The following VGLL4 variants were observed in gnomAD, a reference collection of about 807,000 sequenced individuals.
The protein encoded by VGLL4 is vestigial like family member 4.
A neutral mutation model predicts 21.0 loss-of-function variants in VGLL4; 7 were observed. That is an observed-to-expected ratio of 0.33 (90% confidence interval 0.19 to 0.63). The LOEUF is 0.63. VGLL4 is among the 20% of genes least tolerant of loss of function. The pLI is 0.78. For synonymous variants in VGLL4, 222 were observed against 173.2 expected, an observed-to-expected ratio of 1.28 and a Z score of -2.21; for missense variants, 394 against 425.7, an observed-to-expected ratio of 0.93 and a Z score of 0.66.
intron 2 of VGLL4, among the ~76,000 whole-genome samples, chr3:11,681,197 A>G (rs1347392420): frequency 2.0e-5 from 3 of 152,090 alleles, no homozygotes; most frequent in East Asian, 3.9e-4. Flanking sequence ...TCCTGGGTTC[A>G]CACCATTCTC....
At chr3:11,718,510 T>C (rs186640435) in intron 1 of VGLL4, among the ~76,000 whole-genome samples, 36 of 152,262 alleles carry the variant, frequency 2.4e-4, no homozygotes, top group Non-Finnish European at 4.1e-4. Context: ...CAATGAACAG[T>C]ACAAGTCCGT....
Position 11,558,036 on chromosome 3 carries a change from C to T in VGLL4, c.*520G>A, listed in dbSNP as rs2072601478. The T allele has an allele frequency of 6.3e-6, 1 of 157,786 alleles. No homozygotes were observed. Among genetic ancestry groups the T allele is most frequent in the Admixed American group, 6.1e-5 (1 of 16,496 alleles). The allele number at this position is 157,786 out of a possible 1,614,324, so 9.8% of individuals were successfully genotyped here. A position where few individuals can be genotyped will look rare whatever the true frequency, so the allele number is the denominator to read the frequency against. On this transcript the variant is annotated 3_prime_UTR_variant, in exon 5 of 5. Coordinates refer to ENST00000430365, the MANE Select transcript of VGLL4 (RefSeq NM_001128219.3). ...TTGCCCTCAGAGTTCTGGCATAACA[C>T]ATAAAGTTGTCAGGCAACTTTAGTC...
chr3:11,609,264 T>C (rs1199792836), intron 1 of VGLL4, among the ~76,000 whole-genome samples: 2 of 152,206 alleles, frequency 1.3e-5, no homozygotes, highest in Non-Finnish European at 2.9e-5. Flanking sequence ...CCATAAGAGA[T>C]ACATCTTCTA....
At chr3:11,591,068 G>C (rs13067924) in intron 2 of VGLL4, among the ~76,000 whole-genome samples, 119,378 of 152,074 alleles carry the variant, frequency 0.78, 47,553 homozygotes, top group Non-Finnish European at 0.86. Context: ...CGGATAAAAA[G>C]AGCTGCTACA....
chr3:11,702,745 CAA>C, intron 2 of VGLL4: 4 of 186,660 alleles, frequency 2.1e-5, no homozygotes, highest in Non-Finnish European at 3.1e-5. Context: ...AAAAAAAAAA[CAA>C]AAAAAAAAAC....
chr3:11,707,696 A>G (rs539383924), intron 1 of VGLL4, among the ~76,000 whole-genome samples: 22 of 152,064 alleles, frequency 1.4e-4, no homozygotes, highest in Non-Finnish European at 2.9e-4. Flanking sequence ...TCATTTCTAC[A>G]AAAGATTAAA....
chr3:11,584,189 T>C (rs761486670), intron 2 of VGLL4, among the ~76,000 whole-genome samples: 30 of 152,236 alleles, frequency 2.0e-4, no homozygotes, highest in Non-Finnish European at 3.8e-4. Context: ...GCATCCTTAA[T>C]ATGAAGAGTC....
At chr3:11,710,442 G>A (rs527335084) in intron 1 of VGLL4, 39 of 152,304 alleles carry the variant, frequency 2.6e-4, no homozygotes, top group African/African-American at 8.7e-4. Flanking sequence ...CTTTAGGTAA[G>A]AGTACGAGAA....
At chr3:11,637,452 T>C (rs945367209) in intron 1 of VGLL4, among the ~76,000 whole-genome samples, 1 of 152,206 alleles carries the variant, frequency 6.6e-6, no homozygotes, top group Non-Finnish European at 1.5e-5. Context: ...CAGACTTCTT[T>C]GCAAACAAAA....
At chr3:11,559,181 T>G in intron 4 of VGLL4, 151 bp downstream of exon 4, 1 of 1,333,108 alleles carries the variant, frequency 7.5e-7, no homozygotes, top group Non-Finnish European at 9.9e-7. Context: ...TGCGCAACGC[T>G]AGGCGCACAC....
At chr3:11,626,307 A>G (rs1440279662) in intron 1 of VGLL4, 1 of 448,616 alleles carries the variant, frequency 2.2e-6, no homozygotes, top group South Asian at 1.6e-5. Flanking sequence ...CCAAAAAAAT[A>G]CACTGCAAGC....
chr3:11,595,258 G>C (rs915582194), intron 2 of VGLL4, among the ~76,000 whole-genome samples: 1 of 152,150 alleles, frequency 6.6e-6, no homozygotes, highest in Admixed American at 6.5e-5. Flanking sequence ...GGGAAATGCA[G>C]AGAAATGCAA....
At chr3:11,588,639 A>G (rs532981684) in intron 2 of VGLL4, among the ~76,000 whole-genome samples, 1 of 152,376 alleles carries the variant, frequency 6.6e-6, no homozygotes, top group East Asian at 1.9e-4. Context: ...GCCAGGGCCT[A>G]CTGGGAAGTT....
chr3:11,702,227 G>A (rs918503798), intron 2 of VGLL4, among the ~76,000 whole-genome samples: 3 of 151,962 alleles, frequency 2.0e-5, no homozygotes, highest in African/African-American at 4.8e-5. Flanking sequence ...GACACATAAG[G>A]AGTATCTTCA....
intron 2 of VGLL4, among the ~76,000 whole-genome samples, chr3:11,583,749 G>C (rs912481798): frequency 2.0e-5 from 3 of 152,164 alleles, no homozygotes; most frequent in African/African-American, 7.2e-5. Context: ...GCTCCGCCAA[G>C]GATGGGCACA....
At chr3:11,652,553 T>C (rs2075890408) in intron 2 of VGLL4, among the ~76,000 whole-genome samples, 1 of 152,152 alleles carries the variant, frequency 6.6e-6, no homozygotes, top group South Asian at 2.1e-4. Context: ...CCAAAGTAGC[T>C]GGGATAACAG....
intron 2 of VGLL4, among the ~76,000 whole-genome samples, chr3:11,682,404 CAAAAAAAAAAA>C (rs34428676): frequency 1.6e-4 from 10 of 62,194 alleles, no homozygotes; most frequent in African/African-American, 4.8e-4. Context: ...GACCCTGTCT[CAAAAAAAAAAA>C]AAAAAAAAAA....
chr3:11,672,927 A>C (rs1214962004), intron 2 of VGLL4, among the ~76,000 whole-genome samples: 1 of 152,204 alleles, frequency 6.6e-6, no homozygotes, highest in African/African-American at 2.4e-5. Flanking sequence ...ATATTTGAAA[A>C]AGAAAGGGCA....
chr3:11,561,840 T>C (rs2073036315), intron 3 of VGLL4, among the ~76,000 whole-genome samples: 1 of 139,184 alleles, frequency 7.2e-6, no homozygotes, highest in African/African-American at 2.7e-5. Context: ...GGGAGAGGGC[T>C]CCCACCACCT....
Sources: gnomAD v4.1 joint callset for allele counts (sites outside exome capture counted in the v4.1 genomes callset) on GRCh38, gnomAD v4.1.1 for gene constraint, MANE v1.5 for transcripts, NCBI Gene and HGNC (gene_info 2026-07-23, HGNC 2026-07-21) for gene names.